The following LRMDA variants were observed in gnomAD, a reference collection of about 807,000 sequenced individuals.
LRMDA encodes the protein leucine rich melanocyte differentiation associated.
A neutral mutation model predicts 29.8 loss-of-function variants in LRMDA; 18 were observed. The ratio of observed to expected loss-of-function variants is 0.60; its 90% CI spans 0.42 to 0.90. The LOEUF is 0.90. Ranked by LOEUF, LRMDA falls within the 40% of genes least tolerant of loss-of-function variation. The pLI is 0.00. For missense variants in LRMDA, 273 were observed against 273.9 expected (o/e 1.00, Z 0.02); for synonymous variants, 125 against 109.4 (o/e 1.14, Z -0.89).
chr10:75,461,557 C>T (rs545561183), intron 2 of LRMDA, among the ~76,000 whole-genome samples: 2 of 152,224 alleles, frequency 1.3e-5, no homozygotes, highest in Non-Finnish European at 2.9e-5. Flanking sequence ...TTGGATTCTT[C>T]CTCCATCTCT....
chr10:75,776,710 A>G (rs908095682), intron 2 of LRMDA, among the ~76,000 whole-genome samples: 4 of 152,254 alleles, frequency 2.6e-5, no homozygotes, highest in Non-Finnish European at 5.9e-5. Context: ...TCCTGTTTGC[A>G]TATCTTTTAT....
chr10:76,321,189 CGTAGA>C (rs1840766385), intron 5 of LRMDA, among the ~76,000 whole-genome samples: 1 of 152,150 alleles, frequency 6.6e-6, no homozygotes, highest in East Asian at 1.9e-4. Context: ...TGAGATTTTC[CGTAGA>C]GTATATATTT....
chr10:76,067,723 A>G (rs747591242), intron 5 of LRMDA, among the ~76,000 whole-genome samples: 54 of 152,336 alleles, frequency 3.5e-4, no homozygotes, highest in Admixed American at 7.2e-4. Flanking sequence ...ATGAAGAAGA[A>G]TAAGTTGGAA....
intron 5 of LRMDA, among the ~76,000 whole-genome samples, chr10:76,076,801 A>T (rs1247490612): frequency 6.6e-6 from 1 of 152,140 alleles, no homozygotes; most frequent in East Asian, 1.9e-4. Flanking sequence ...CAAAATGGAA[A>T]TGGCAGCTCT....
intron 6 of LRMDA, among the ~76,000 whole-genome samples, chr10:76,451,238 A>G (rs888360596): frequency 4.0e-5 from 6 of 150,728 alleles, no homozygotes; most frequent in African/African-American, 1.2e-4. Flanking sequence ...GTCTCGCTCT[A>G]TCGCCCAGGC....
intron 5 of LRMDA, among the ~76,000 whole-genome samples, chr10:76,239,676 C>A (rs149335148): frequency 4.8e-4 from 73 of 152,176 alleles, no homozygotes; most frequent in African/African-American, 1.5e-3. Context: ...TCTGCTTTGG[C>A]TGGTTGCCTC....
intron 2 of LRMDA, among the ~76,000 whole-genome samples, chr10:75,751,900 C>G (rs1842973796): frequency 6.6e-6 from 1 of 152,142 alleles, no homozygotes; most frequent in African/African-American, 2.4e-5. Flanking sequence ...GCAGGCAAGG[C>G]TTGGGCTGGC....
At chr10:76,357,438 G>A (rs1841255589) in intron 6 of LRMDA, among the ~76,000 whole-genome samples, 2 of 151,970 alleles carry the variant, frequency 1.3e-5, no homozygotes, top group South Asian at 4.1e-4. Context: ...ACACATCAGA[G>A]GGGTACCTTT....
intron 6 of LRMDA, among the ~76,000 whole-genome samples, chr10:76,474,669 A>G (rs1401176955): frequency 6.6e-6 from 1 of 151,698 alleles, no homozygotes; most frequent in African/African-American, 2.4e-5. Context: ...TCAAAATCAC[A>G]GAAATATCAC....
intron 6 of LRMDA, chr10:76,402,304 A>C (rs183838822): frequency 2.6e-5 from 4 of 152,266 alleles, no homozygotes; most frequent in East Asian, 1.9e-4. Context: ...GGAAGAGAGG[A>C]GGCTTGGGGC....
At chr10:76,406,311 C>G (rs907605140) in intron 6 of LRMDA, among the ~76,000 whole-genome samples, 1 of 152,200 alleles carries the variant, frequency 6.6e-6, no homozygotes, top group Non-Finnish European at 1.5e-5. Flanking sequence ...GACCCACAAA[C>G]TGTTAACATA....
At chr10:75,763,490 GCT>G (rs901961451) in intron 2 of LRMDA, among the ~76,000 whole-genome samples, 4 of 152,146 alleles carry the variant, frequency 2.6e-5, no homozygotes, top group African/African-American at 4.8e-5. Flanking sequence ...TATAGGAATA[GCT>G]CTCTCATCAC....
At chr10:75,468,283 G>A (rs1844683260) in intron 2 of LRMDA, among the ~76,000 whole-genome samples, 1 of 151,856 alleles carries the variant, frequency 6.6e-6, no homozygotes, top group Admixed American at 6.6e-5. Flanking sequence ...CTTTTTTTGG[G>A]GTGCGGGGCG....
intron 2 of LRMDA, among the ~76,000 whole-genome samples, chr10:75,837,020 TG>T (rs1844449460): frequency 6.6e-6 from 1 of 152,174 alleles, no homozygotes; most frequent in South Asian, 2.1e-4. Context: ...ATAGACTCAC[TG>T]GGTACATAAA....
rs117379402 is a variant in LRMDA at position 75,586,125 on chromosome 10, C to T, written c.131+147631C>T. Among the ~76,000 whole-genome samples the T allele has an allele frequency of 1.6e-3, 241 of 152,114 alleles. 4 individuals are homozygous for T. The highest frequency in any genetic ancestry group is 0.012 in the East Asian group (61 of 5,166). ...ATCTTGGCTATTGTGAATACTGCTGCAATGAACATAAGAGTGCTAATGTAT... is the reference window on the plus strand; with the variant it reads ...ATCTTGGCTATTGTGAATACTGCTGTAATGAACATAAGAGTGCTAATGTAT... On this transcript the variant is annotated intron_variant, in intron 2 of 6. Transcript: ENST00000611255.
chr10:75,905,760 A>G (rs1450026932), intron 2 of LRMDA, among the ~76,000 whole-genome samples: 1 of 151,790 alleles, frequency 6.6e-6, no homozygotes, highest in African/African-American at 2.4e-5. Context: ...GTATGTCCCT[A>G]TGTTCTTGGC....
At chr10:76,062,929 T>C (rs1848726351) in intron 5 of LRMDA, among the ~76,000 whole-genome samples, 1 of 152,142 alleles carries the variant, frequency 6.6e-6, no homozygotes. Flanking sequence ...TGCAGAGGCC[T>C]GTCCAGGATG....
chr10:75,927,138 G>A (rs898824058), intron 2 of LRMDA, among the ~76,000 whole-genome samples: 33 of 152,302 alleles, frequency 2.2e-4, no homozygotes, highest in African/African-American at 5.1e-4. Flanking sequence ...CAGCTCAGGG[G>A]TCTCCAGCGA....
chr10:75,728,967 A>G (rs1165867949), intron 2 of LRMDA, among the ~76,000 whole-genome samples: 1 of 152,114 alleles, frequency 6.6e-6, no homozygotes, highest in Admixed American at 6.5e-5. Context: ...GCCTCTGCAC[A>G]TATCACTCTC....
Sources: allele counts gnomAD v4.1 joint callset (sites outside exome capture counted in the v4.1 genomes callset), GRCh38; gene constraint gnomAD v4.1.1; transcripts MANE v1.5; gene names NCBI Gene and HGNC (gene_info 2026-07-23, HGNC 2026-07-21).